The following SP140 variants were observed in gnomAD, a reference collection of about 807,000 sequenced individuals.
SP140 encodes nuclear body protein SP140.
Under a neutral mutation model 125.0 loss-of-function variants are expected in SP140, and 81 were observed. The ratio of observed to expected loss-of-function variants is 0.65; its 90% CI spans 0.54 to 0.78. The LOEUF (loss-of-function observed/expected upper bound fraction) is 0.78, where lower values mean the gene tolerates loss of function less well. Ranked by LOEUF, SP140 falls within the 30% of genes least tolerant of loss-of-function variation. The pLI is 0.00. For synonymous variants in SP140, 312 were observed against 354.0 expected (o/e 0.88, Z 1.33); for missense variants, 858 against 1,037.0 (o/e 0.83, Z 2.37).
intron 22 of SP140, among the ~76,000 whole-genome samples, chr2:230,309,682 A>G (rs1227175169): frequency 6.6e-6 from 1 of 152,236 alleles, no homozygotes; most frequent in African/African-American, 2.4e-5. Flanking sequence ...TTTCTTCATT[A>G]CAATCTCTGG....
chr2:230,297,207 A>G (rs904508792), intron 21 of SP140, among the ~76,000 whole-genome samples: 1 of 152,188 alleles, frequency 6.6e-6, no homozygotes, highest in Non-Finnish European at 1.5e-5. Context: ...TAAAATCTCT[A>G]GTTTCATTTT....
At chr2:230,251,595 A>G (rs972675779) in intron 10 of SP140, among the ~76,000 whole-genome samples, 1 of 152,240 alleles carries the variant, frequency 6.6e-6, no homozygotes, top group African/African-American at 2.4e-5. Flanking sequence ...GGAATGAAAA[A>G]GCTTATCATC....
At chr2:230,297,813 G>A (rs1227043989) in intron 22 of SP140, among the ~76,000 whole-genome samples, 2 of 152,190 alleles carry the variant, frequency 1.3e-5, no homozygotes, top group African/African-American at 4.8e-5. Flanking sequence ...ACAAATGTGA[G>A]AGGATAACAG....
intron 9 of SP140, among the ~76,000 whole-genome samples, 154 bp from the exon 10 acceptor site, chr2:230,250,827 A>G (rs2050248201): frequency 6.6e-6 from 1 of 152,186 alleles, no homozygotes; most frequent in Non-Finnish European, 1.5e-5. Context: ...GAGTGCATCC[A>G]CTTACAGGCC....
intron 26 of SP140, among the ~76,000 whole-genome samples, chr2:230,311,872 C>A (rs2059360236): frequency 1.3e-5 from 2 of 152,210 alleles, no homozygotes; most frequent in African/African-American, 4.8e-5. Flanking sequence ...TGAATCCTGC[C>A]TGCTGCAGCA....
At chr2:230,187,255 G>A in the SP140 span, among the ~76,000 whole-genome samples, 1 of 152,084 alleles carries the variant, frequency 6.6e-6, no homozygotes, top group East Asian at 1.9e-4. Context: ...GATGATTAGT[G>A]ATGTTGAGCA....
At chr2:230,284,064 A>C (rs57841972) in intron 15 of SP140, among the ~76,000 whole-genome samples, 14,479 of 152,214 alleles carry the variant, frequency 0.095, 1,065 homozygotes, top group South Asian at 0.19. Context: ...AGCAGTTATC[A>C]TTCACTTTAA....
intron 3 of SP140, chr2:230,238,923 T>G: frequency 6.5e-7 from 1 of 1,548,236 alleles, no homozygotes; most frequent in Non-Finnish European, 8.7e-7. Context: ...CCGAACCATG[T>G]GGTTGAATTG....
At chr2:230,244,558 T>C (rs1241140544) in intron 5 of SP140, among the ~76,000 whole-genome samples, 1 of 152,140 alleles carries the variant, frequency 6.6e-6, no homozygotes, top group Non-Finnish European at 1.5e-5. Context: ...CAAAAGCATT[T>C]CCATGGCCAG....
At chr2:230,289,127 C>G (rs537518656) in intron 18 of SP140, among the ~76,000 whole-genome samples, 81 of 152,224 alleles carry the variant, frequency 5.3e-4, no homozygotes, top group Non-Finnish European at 9.7e-4. Flanking sequence ...TCTTCAGCAT[C>G]TGTTGTTTCC....
chr2:230,280,726 C>G (rs992914513), intron 15 of SP140, among the ~76,000 whole-genome samples: 5 of 152,144 alleles, frequency 3.3e-5, no homozygotes, highest in African/African-American at 1.2e-4. Flanking sequence ...CACCCCATCT[C>G]TACCATTTTG....
At chr2:230,279,640 C>G (rs2055231013) in intron 15 of SP140, among the ~76,000 whole-genome samples, 1 of 152,156 alleles carries the variant, frequency 6.6e-6, no homozygotes, top group Admixed American at 6.5e-5. Context: ...AAATTCATCA[C>G]CTTAAGGTAT....
intron 3 of SP140, chr2:230,219,801 G>A: frequency 2.1e-6 from 1 of 474,766 alleles, no homozygotes; most frequent in Non-Finnish European, 2.8e-6. Flanking sequence ...CCCTGCAGCT[G>A]CTGCCGCGAA....
chr2:230,198,133 C>CCAGAAGTCCTT (rs780494562), upstream of SP140, among the ~76,000 whole-genome samples: 208 of 152,266 alleles, frequency 1.4e-3, no homozygotes, highest in African/African-American at 4.1e-3. Context: ...TGGAAGTCCT[C>CCAGAAGTCCTT]TGTAGGGCCC....
chr2:230,190,020 G>T, the SP140 span, among the ~76,000 whole-genome samples: 1 of 152,170 alleles, frequency 6.6e-6, no homozygotes, highest in Admixed American at 6.5e-5. Flanking sequence ...ACATACATGT[G>T]CATGTGTCTT....
the SP140 span, among the ~76,000 whole-genome samples, chr2:230,194,487 C>CAG: frequency 0.76 from 115,800 of 151,544 alleles, 44,359 homozygotes; most frequent in Admixed American, 0.83. Flanking sequence ...AAGAAAGGAA[C>CAG]AGAAAGGGAA....
At chr2:230,252,837 A>G (rs2050576412) in intron 10 of SP140, among the ~76,000 whole-genome samples, 1 of 152,024 alleles carries the variant, frequency 6.6e-6, no homozygotes, top group South Asian at 2.1e-4. Context: ...GGGCCGGGTC[A>G]CAGGGTCAGA....
intron 22 of SP140, among the ~76,000 whole-genome samples, chr2:230,304,707 T>C (rs1207801585): frequency 6.6e-6 from 1 of 152,202 alleles, no homozygotes; most frequent in Non-Finnish European, 1.5e-5. Flanking sequence ...GCAAGCCACA[T>C]TTAGAAGAAT....
intron 12 of SP140, among the ~76,000 whole-genome samples, chr2:230,260,833 G>A (rs1229549521): frequency 6.6e-6 from 1 of 152,152 alleles, no homozygotes; most frequent in Non-Finnish European, 1.5e-5. Flanking sequence ...CTCTGTTTTG[G>A]TGACTATGGC....
Sources: gnomAD v4.1 joint callset for allele counts (sites outside exome capture counted in the v4.1 genomes callset) on GRCh38, gnomAD v4.1.1 for gene constraint, MANE v1.5 for transcripts, NCBI Gene and HGNC (gene_info 2026-07-23, HGNC 2026-07-21) for gene names.